The following MTHFD1L variants were observed in gnomAD, a reference collection of about 807,000 sequenced individuals.
MTHFD1L encodes methylenetetrahydrofolate dehydrogenase (NADP+ dependent) 1 like, also known as monofunctional C1-tetrahydrofolate synthase, mitochondrial.
Under a neutral mutation model 119.5 loss-of-function variants are expected in MTHFD1L, and 81 were observed. The ratio of observed to expected loss-of-function variants is 0.68; its 90% CI spans 0.57 to 0.82. The LOEUF is 0.82. MTHFD1L is among the 40% of genes least tolerant of loss of function. The pLI is 0.00. For synonymous variants in MTHFD1L, 430 were observed against 475.2 expected (o/e 0.90, Z 1.24); for missense variants, 1,125 against 1,253.4 (o/e 0.90, Z 1.55).
chr6:150,914,718 TG>T (rs747670089), intron 8 of MTHFD1L, among the ~76,000 whole-genome samples: 2 of 152,250 alleles, frequency 1.3e-5, no homozygotes, highest in Non-Finnish European at 2.9e-5. Context: ...CTTACCTAGC[TG>T]CCGGTGGACA....
intron 26 of MTHFD1L, among the ~76,000 whole-genome samples, chr6:151,091,224 ATGTGACTGGGTGCAGCAT>A (rs1190270372): frequency 5.6e-5 from 8 of 142,256 alleles, no homozygotes; most frequent in Middle Eastern, 3.6e-3. Context: ...GCATTGCCCC[ATGTGACTGGGTGCAGCAT>A]CGTTCCATGC....
chr6:150,941,731 G>T (rs1280464434), intron 13 of MTHFD1L, among the ~76,000 whole-genome samples: 1 of 152,112 alleles, frequency 6.6e-6, no homozygotes, highest in Non-Finnish European at 1.5e-5. Flanking sequence ...GGGGAGTGAT[G>T]GTATGAGGTT....
At chr6:150,866,261 C>G in intron 1 of MTHFD1L, 2 of 1,437,088 alleles carry the variant, frequency 1.4e-6, no homozygotes, top group Non-Finnish European at 9.1e-7. Context: ...AGTACCCGAC[C>G]GGGCCCGCAG....
At chr6:150,945,860 C>T (rs1793843966) in intron 15 of MTHFD1L, among the ~76,000 whole-genome samples, 1 of 152,088 alleles carries the variant, frequency 6.6e-6, no homozygotes, top group Non-Finnish European at 1.5e-5. Context: ...GGCACAGGAG[C>T]ACATACATAC....
chr6:151,007,309 T>C (rs1781541595), intron 20 of MTHFD1L, among the ~76,000 whole-genome samples: 1 of 151,964 alleles, frequency 6.6e-6, no homozygotes, highest in African/African-American at 2.4e-5. Flanking sequence ...TCTCTCCCAC[T>C]TCCCTGCAGG....
chr6:151,041,238 A>G (rs1787057171), intron 26 of MTHFD1L, among the ~76,000 whole-genome samples: 1 of 152,240 alleles, frequency 6.6e-6, no homozygotes, highest in Non-Finnish European at 1.5e-5. Context: ...GTAGTGGGAC[A>G]CACGCACCAG....
At position 150,865,770 on chromosome 6, in the gene MTHFD1L, C is replaced by G. The variant is rs1368398438; in HGVS notation, c.-53C>G. On this transcript the variant is annotated 5_prime_UTR_variant, in exon 1 of 28. Coordinates refer to ENST00000367321, the MANE Select transcript of MTHFD1L (RefSeq NM_015440.5). The stretch of plus-strand genomic sequence containing the variant: ...GCCTGCTCCCCTGGCACGCGCCCCG[C>G]CGCCCTCGGCAGCCGCAGCTCCGTG... The G allele has an allele frequency of 1.6e-6, 2 of 1,235,746 alleles. No homozygotes were observed. The highest frequency in any genetic ancestry group is 2.0e-6 in the Non-Finnish European group (2 of 985,448). The allele number at this position is 1,235,746 out of a possible 1,614,324, so 76.5% of individuals were successfully genotyped here.
chr6:151,075,427 G>A (rs1282980692), intron 26 of MTHFD1L, among the ~76,000 whole-genome samples: 4 of 151,940 alleles, frequency 2.6e-5, no homozygotes, highest in Non-Finnish European at 5.9e-5. Flanking sequence ...CAAAGGGGCC[G>A]TTTCACGAAC....
intron 26 of MTHFD1L, among the ~76,000 whole-genome samples, chr6:151,069,280 T>TCTCTCTCTCTCC (rs1465486987): frequency 4.7e-5 from 7 of 147,964 alleles, no homozygotes; most frequent in East Asian, 2.0e-4. Context: ...TCTCTCTCTC[T>TCTCTCTCTCTCC]CCCTCCCTCT....
chr6:150,965,533 C>T (rs1797066802), intron 19 of MTHFD1L, among the ~76,000 whole-genome samples: 1 of 151,972 alleles, frequency 6.6e-6, no homozygotes, highest in Non-Finnish European at 1.5e-5. Context: ...TTGTGGCACA[C>T]ACCTGTAGTC....
intron 26 of MTHFD1L, among the ~76,000 whole-genome samples, chr6:151,050,812 G>A (rs1788912210): frequency 6.6e-6 from 1 of 152,132 alleles, no homozygotes. Flanking sequence ...CACGGTTTGA[G>A]GAGAGCTTTT....
At chr6:151,067,386 C>T (rs1791436936) in intron 26 of MTHFD1L, among the ~76,000 whole-genome samples, 1 of 152,146 alleles carries the variant, frequency 6.6e-6, no homozygotes, top group African/African-American at 2.4e-5. Flanking sequence ...TACAGTGGTG[C>T]AATCTCAGCT....
At chr6:151,069,280 T>TCTCC (rs1465486987) in intron 26 of MTHFD1L, among the ~76,000 whole-genome samples, 18 of 148,082 alleles carry the variant, frequency 1.2e-4, no homozygotes, top group Non-Finnish European at 7.5e-5. Context: ...TCTCTCTCTC[T>TCTCC]CCCTCCCTCT....
chr6:151,063,046 TAAAGA>T (rs1017775895), intron 26 of MTHFD1L, among the ~76,000 whole-genome samples: 17 of 151,966 alleles, frequency 1.1e-4, no homozygotes, highest in East Asian at 1.9e-4. Context: ...AAAAAAAAAT[TAAAGA>T]AAAGAGATCC....
intron 5 of MTHFD1L, among the ~76,000 whole-genome samples, chr6:150,883,233 A>G (rs1430583997): frequency 1.3e-5 from 2 of 152,072 alleles, no homozygotes; most frequent in African/African-American, 2.4e-5. Context: ...GGGTTTTACC[A>G]TGTTGGCCAG....
chr6:151,059,062 C>A (rs534990329), intron 26 of MTHFD1L, among the ~76,000 whole-genome samples: 1 of 152,210 alleles, frequency 6.6e-6, no homozygotes, highest in East Asian at 1.9e-4. Context: ...CAGTGGTAAG[C>A]GCGCTGAAGG....
At chr6:150,963,264 G>A (rs1307942399) in intron 18 of MTHFD1L, among the ~76,000 whole-genome samples, 1 of 152,044 alleles carries the variant, frequency 6.6e-6, no homozygotes, top group Non-Finnish European at 1.5e-5. Context: ...TATAATGAGT[G>A]GGTTGCATTC....
intron 18 of MTHFD1L, among the ~76,000 whole-genome samples, 158 bp downstream of exon 18, chr6:150,960,573 CTGCTTCCTAATGTTCT>C (rs1257342372): frequency 8.5e-5 from 13 of 152,328 alleles, no homozygotes; most frequent in Admixed American, 7.2e-4. Context: ...GTTTGCCTAA[CTGCTTCCTAATGTTCT>C]CATAGTCATA....
intron 26 of MTHFD1L, among the ~76,000 whole-genome samples, chr6:151,060,751 G>T (rs561947710): frequency 5.9e-5 from 9 of 152,342 alleles, no homozygotes; most frequent in Admixed American, 3.9e-4. Context: ...GTGACACTGG[G>T]CAGGAAAGCA....
Sources: gnomAD v4.1 joint callset for allele counts (sites outside exome capture counted in the v4.1 genomes callset) on GRCh38, gnomAD v4.1.1 for gene constraint, MANE v1.5 for transcripts, NCBI Gene and HGNC (gene_info 2026-07-23, HGNC 2026-07-21) for gene names.